TPST1: variants seen among roughly 807,000 people sequenced by gnomAD.
TPST1 encodes the protein tyrosylprotein sulfotransferase 1, also known as protein-tyrosine sulfotransferase 1.
A neutral mutation model predicts 34.8 loss-of-function variants in TPST1; 20 were observed. The observed-to-expected ratio is 0.57, with a 90% CI of 0.40 to 0.84. The LOEUF (loss-of-function observed/expected upper bound fraction) is 0.84, where lower values mean the gene tolerates loss of function less well. Ranked by LOEUF, TPST1 falls within the 40% of genes least tolerant of loss-of-function variation. The pLI, the probability that TPST1 is intolerant of heterozygous loss-of-function variation, is 0.00. For missense variants in TPST1, 353 were observed against 455.5 expected, an observed-to-expected ratio of 0.78 and a Z score of 2.05; for synonymous variants, 152 against 159.4, an observed-to-expected ratio of 0.95 and a Z score of 0.35.
At chr7:66,219,102 T>C (rs1430652617) in intron 1 of TPST1, among the ~76,000 whole-genome samples, 3 of 150,802 alleles carry the variant, frequency 2.0e-5, no homozygotes, top group African/African-American at 7.3e-5. Context: ...TTTGCCATGT[T>C]GGCCATGCTG....
intron 2 of TPST1, among the ~76,000 whole-genome samples, chr7:66,254,826 C>G (rs1389331486): frequency 6.6e-6 from 1 of 152,144 alleles, no homozygotes; most frequent in African/African-American, 2.4e-5. Flanking sequence ...GCTAGGACTT[C>G]TAATAGTAGT....
rs537744171 is a variant in TPST1 at position 66,235,199 on chromosome 7, T to C, written c.-101-5126T>C. Among the ~76,000 whole-genome samples, 24 of 151,090 alleles carry C rather than the reference T, an allele frequency of 1.6e-4. No homozygotes were observed. In the East Asian group the frequency reaches 1.8e-3, roughly 11 times the overall value. The stretch of plus-strand genomic sequence containing the variant: ...TTCTGCATAGATTTTTTTTTTTTTT[T>C]TTTTGAGACAGAGTCTTGCTCTGTC... On this transcript the variant is annotated intron_variant, in intron 1 of 5. Coordinates refer to ENST00000304842, the MANE Select transcript of TPST1 (RefSeq NM_003596.4).
intron 5 of TPST1, chr7:66,358,937 G>C (rs1383343382): frequency 6.6e-6 from 1 of 152,290 alleles, no homozygotes; most frequent in Non-Finnish European, 1.5e-5. Flanking sequence ...GGGCCAACCT[G>C]TGCTGAGGAG....
At chr7:66,356,609 C>A (rs930210722) in intron 4 of TPST1, among the ~76,000 whole-genome samples, 1 of 152,162 alleles carries the variant, frequency 6.6e-6, no homozygotes, top group Admixed American at 6.6e-5. Context: ...AACAAAGACA[C>A]TCTTGTTACC....
chr7:66,312,266 G>T (rs1245948498), intron 3 of TPST1, among the ~76,000 whole-genome samples: 1 of 152,194 alleles, frequency 6.6e-6, no homozygotes, highest in Non-Finnish European at 1.5e-5. Flanking sequence ...GAGAACATTT[G>T]CAGTGAAGAG....
upstream of TPST1, among the ~76,000 whole-genome samples, chr7:66,202,379 T>C (rs1390360293): frequency 6.6e-6 from 1 of 152,160 alleles, no homozygotes; most frequent in Non-Finnish European, 1.5e-5. Flanking sequence ...GTATGACAGG[T>C]TTCACTGAAA....
chr7:66,357,694 A>G (rs1450193769), intron 5 of TPST1, among the ~76,000 whole-genome samples: 1 of 152,202 alleles, frequency 6.6e-6, no homozygotes, highest in African/African-American at 2.4e-5. Flanking sequence ...CCAGACTTTC[A>G]GTCTCTGCTT....
chr7:66,239,260 C>T (rs542457493), intron 1 of TPST1, among the ~76,000 whole-genome samples: 34 of 152,296 alleles, frequency 2.2e-4, no homozygotes, highest in African/African-American at 7.5e-4. Flanking sequence ...TGATTACAGG[C>T]GTAAGCTGCT....
At chr7:66,230,395 C>T (rs956988082) in intron 1 of TPST1, among the ~76,000 whole-genome samples, 3 of 152,188 alleles carry the variant, frequency 2.0e-5, no homozygotes, top group Admixed American at 6.5e-5. Flanking sequence ...CGCGGACCCT[C>T]GCGGTGAGCG....
intron 2 of TPST1, 44 bp downstream of exon 2, chr7:66,241,314 A>AAT (rs1790031224): frequency 3.9e-6 from 6 of 1,557,248 alleles, no homozygotes; most frequent in Non-Finnish European, 5.2e-6. Flanking sequence ...ATATTTAGCT[A>AAT]ATAATGATCT....
intron 1 of TPST1, among the ~76,000 whole-genome samples, chr7:66,227,027 G>GGTTTTTTTTTTTTTTT (rs1390977469): frequency 2.2e-5 from 1 of 46,036 alleles, no homozygotes; most frequent in African/African-American, 1.1e-4. Context: ...CTTAAAATAA[G>GGTTTTTTTTTTTTTTT]CTTTTTTTTT....
At chr7:66,237,696 A>G (rs1789938250) in intron 1 of TPST1, among the ~76,000 whole-genome samples, 3 of 152,112 alleles carry the variant, frequency 2.0e-5, no homozygotes, top group Admixed American at 2.0e-4. Flanking sequence ...AGTGGTGGGT[A>G]ACGCGCATGC....
In TPST1 at chr7:66,272,731, C is replaced by T. The variant is rs565360848; in HGVS notation, c.846-13780C>T. ...CCTCCCAAGTAGCTGGGACTACAGGCACATACCCTCATGCCTGGCTAATTT... is the reference window on the plus strand; with the variant it reads ...CCTCCCAAGTAGCTGGGACTACAGGTACATACCCTCATGCCTGGCTAATTT... On this transcript the variant is annotated intron_variant, in intron 2 of 5. Coordinates refer to ENST00000304842, the MANE Select transcript of TPST1 (RefSeq NM_003596.4). Among the ~76,000 whole-genome samples the T allele has an allele frequency of 6.6e-5, 10 of 152,032 alleles. No homozygotes were observed. The East Asian group carries it at 1.9e-3, about 29-fold the overall frequency.
intron 2 of TPST1, among the ~76,000 whole-genome samples, chr7:66,278,369 G>A (rs996307276): frequency 3.9e-5 from 6 of 152,118 alleles, no homozygotes; most frequent in African/African-American, 7.2e-5. Flanking sequence ...GGGTAAGGTA[G>A]ACTTTAGGGG....
intron 2 of TPST1, among the ~76,000 whole-genome samples, chr7:66,281,747 A>T (rs185447819): frequency 6.2e-4 from 94 of 152,116 alleles, no homozygotes; most frequent in Middle Eastern, 3.4e-3. Flanking sequence ...TTTAATATGG[A>T]GGATTTGGTT....
chr7:66,225,676 G>A (rs1001082967), intron 1 of TPST1, among the ~76,000 whole-genome samples: 5 of 152,200 alleles, frequency 3.3e-5, no homozygotes, highest in Admixed American at 6.5e-5. Context: ...GCATGCACAC[G>A]CACACGTGTG....
intron 1 of TPST1, among the ~76,000 whole-genome samples, chr7:66,211,153 A>C (rs1014146398): frequency 3.4e-5 from 5 of 148,362 alleles, no homozygotes; most frequent in Non-Finnish European, 7.4e-5. Context: ...TTTTTTTTTG[A>C]GATGGAGTTT....
rs1319725582 is a variant in TPST1, at chr7:66,332,892, G to A, written c.1045-19613G>A. Among the ~76,000 whole-genome samples the A allele has an allele frequency of 6.6e-6, 1 of 152,004 alleles. No homozygotes were observed. ...CACCTGTGGATTTTGTTATTCACAG[G>A]GGATCCTGGAAACAATCCCCTGTGG... On this transcript the variant is annotated intron_variant, in intron 3 of 5. Transcript: ENST00000304842. This position sits in a 1 kb window ranked among gnomAD's most constrained non-coding sequence, Gnocchi z 4.5.
At chr7:66,274,557 A>G (rs1043286969) in intron 2 of TPST1, among the ~76,000 whole-genome samples, 13 of 152,178 alleles carry the variant, frequency 8.5e-5, no homozygotes, top group African/African-American at 2.9e-4. Context: ...TGACCTCAAA[A>G]GCACTGGCAA....
Sources: allele counts gnomAD v4.1 joint callset (sites outside exome capture counted in the v4.1 genomes callset), GRCh38; gene constraint gnomAD v4.1.1; non-coding constraint Gnocchi (gnomAD v3.1); transcripts MANE v1.5; gene names NCBI Gene and HGNC (gene_info 2026-07-23, HGNC 2026-07-21).